Variants in TC2N observed in about 807,000 individuals in gnomAD.
TC2N encodes the protein tandem C2 domains, nuclear.
A neutral mutation model predicts 61.9 loss-of-function variants in TC2N; 51 were observed. The ratio of observed to expected loss-of-function variants is 0.82; its 90% CI spans 0.66 to 1.04. The LOEUF (loss-of-function observed/expected upper bound fraction) is 1.04. Ranked by LOEUF, TC2N falls within the 50% of genes least tolerant of loss-of-function variation. The probability of loss-of-function intolerance (pLI) is 0.00; values close to 1 mark genes in which losing one functional copy is unlikely to be tolerated. For missense variants in TC2N, 556 were observed against 566.7 expected, an observed-to-expected ratio of 0.98 and a Z score of 0.19; for synonymous variants, 204 against 192.6, an observed-to-expected ratio of 1.06 and a Z score of -0.49.
At chr14:91,814,999 T>TA (rs571527542) in intron 1 of TC2N, among the ~76,000 whole-genome samples, 2 of 150,918 alleles carry the variant, frequency 1.3e-5, no homozygotes, top group South Asian at 2.1e-4. Flanking sequence ...AAAGCATATT[T>TA]AAAAAAAAGT....
intron 1 of TC2N, among the ~76,000 whole-genome samples, chr14:91,818,365 C>G (rs1887098737): frequency 6.6e-6 from 1 of 152,084 alleles, no homozygotes; most frequent in South Asian, 2.1e-4. Context: ...TCACCAAGGT[C>G]AGGAGTGATG....
Position 91,781,660 on chromosome 14 carries a change from T to C in TC2N, c.*1440A>G, listed in dbSNP as rs1396082546. On this transcript the variant is annotated 3_prime_UTR_variant, in exon 12 of 12. Coordinates refer to ENST00000435962, the MANE Select transcript of TC2N (RefSeq NM_001128596.3). The stretch of plus-strand genomic sequence containing the variant: ...TTAAAAATCCATGTGAGTACTGACC[T>C]ATATGTCATTTTTTGCAAATCTAAA... The C allele has an allele frequency of 6.6e-6, 1 of 152,160 alleles. No homozygotes were observed. The allele number at this position is 152,160 out of a possible 1,614,324, so 9.4% of individuals were successfully genotyped here. A position where few individuals can be genotyped will look rare whatever the true frequency, so the allele number is the denominator to read the frequency against.
intron 1 of TC2N, among the ~76,000 whole-genome samples, chr14:91,830,186 T>C (rs1159151710): frequency 2.0e-5 from 3 of 152,168 alleles, no homozygotes; most frequent in African/African-American, 7.2e-5. Context: ...GGAATTCTAA[T>C]CCTAAGTAAA....
At chr14:91,797,561 A>G (rs1390721007) in intron 8 of TC2N, among the ~76,000 whole-genome samples, 1 of 151,996 alleles carries the variant, frequency 6.6e-6, no homozygotes, top group Non-Finnish European at 1.5e-5. Flanking sequence ...AATCTTCTAT[A>G]TATTTTAGTG....
chr14:91,816,335 G>T (rs375134181), intron 1 of TC2N, among the ~76,000 whole-genome samples: 1 of 151,786 alleles, frequency 6.6e-6, no homozygotes, highest in South Asian at 2.1e-4. Context: ...GGAAAGAAAT[G>T]ATATACTGTG....
At chr14:91,863,634 A>T (rs954124526) in intron 1 of TC2N, among the ~76,000 whole-genome samples, 1 of 152,118 alleles carries the variant, frequency 6.6e-6, no homozygotes, top group African/African-American at 2.4e-5. Context: ...GCAGAAAAGA[A>T]TGTGGGGTCT....
intron 1 of TC2N, among the ~76,000 whole-genome samples, chr14:91,826,070 T>A (rs1030992926): frequency 2.0e-5 from 3 of 152,142 alleles, no homozygotes; most frequent in Admixed American, 1.3e-4. Context: ...TAAATCCCAG[T>A]ATTTTGTGGG....
At chr14:91,858,152 CTT>C (rs56379239) in intron 1 of TC2N, among the ~76,000 whole-genome samples, 9 of 92,342 alleles carry the variant, frequency 9.7e-5, no homozygotes, top group Admixed American at 1.4e-4. Flanking sequence ...TCTTCTTCTT[CTT>C]TTTTTTTTTT....
chr14:91,804,066 C>T (rs549691279), intron 3 of TC2N, among the ~76,000 whole-genome samples: 53 of 152,184 alleles, frequency 3.5e-4, no homozygotes, highest in Non-Finnish European at 3.5e-4. Flanking sequence ...TGGCTTAAGA[C>T]ATTGATAGGC....
At position 91,797,782 on chromosome 14, in the gene TC2N, T is replaced by TA. The variant is rs753045109; in HGVS notation, c.855+2dup. 2.6e-6 allele frequency: 4 copies of TA among 1,546,314 alleles called. No individual in the cohort carries two copies. The highest frequency in any genetic ancestry group is 3.7e-5 in the Admixed American group (2 of 53,516). ...AGAAATTCAAATACAAACAGCCACT[T>TA]ACGTTGGAACCTTCCTTGGCTGAAG... On this transcript the variant is annotated splice_region_variant and intron_variant, in intron 8 of 11. Coordinates refer to ENST00000435962, the MANE Select transcript of TC2N (RefSeq NM_001128596.3).
chr14:91,811,069 C>A (rs1016261892), intron 3 of TC2N, among the ~76,000 whole-genome samples: 14 of 152,076 alleles, frequency 9.2e-5, no homozygotes, highest in African/African-American at 3.1e-4. Context: ...TCAACAAATA[C>A]ACACAAAATT....
intron 1 of TC2N, among the ~76,000 whole-genome samples, chr14:91,854,778 C>T (rs566544506): frequency 1.2e-3 from 183 of 152,206 alleles, no homozygotes; most frequent in South Asian, 1.2e-3. Context: ...ACAATCCATA[C>T]CCTGAATATT....
chr14:91,826,254 A>T (rs570783032), intron 1 of TC2N, among the ~76,000 whole-genome samples: 1 of 143,932 alleles, frequency 6.9e-6, no homozygotes, highest in Non-Finnish European at 1.5e-5. Context: ...CAAGAAGTGG[A>T]GGCTGTGGGA....
rs560347880 is a variant in TC2N, at chr14:91,794,199, G to A, written c.856-1641C>T. ...AGAAGAAAAACTAAAAGCTAGTAGAGGCTGGTTCACGAGGTTTAAGGAAAG... is the reference window on the plus strand; with the variant it reads ...AGAAGAAAAACTAAAAGCTAGTAGAAGCTGGTTCACGAGGTTTAAGGAAAG... On this transcript the variant is annotated intron_variant, in intron 8 of 11. Coordinates refer to ENST00000435962, the MANE Select transcript of TC2N (RefSeq NM_001128596.3). Among the ~76,000 whole-genome samples the A allele has an allele frequency of 7.2e-4, 110 of 152,274 alleles. No homozygotes were observed. The Middle Eastern group carries it at 0.01, about 14-fold the overall frequency.
chr14:91,852,104 C>G (rs754288427), intron 1 of TC2N, among the ~76,000 whole-genome samples: 25 of 152,154 alleles, frequency 1.6e-4, no homozygotes, highest in Admixed American at 6.5e-5. Context: ...TGAAAACAGA[C>G]AGTCTCTCAG....
intron 8 of TC2N, among the ~76,000 whole-genome samples, chr14:91,793,199 T>C (rs912407098): frequency 2.6e-5 from 4 of 152,228 alleles, no homozygotes; most frequent in Non-Finnish European, 5.9e-5. Flanking sequence ...CCTCAGAACA[T>C]TTTTAAATGC....
At chr14:91,785,631 A>C (rs1885328836) in intron 10 of TC2N, among the ~76,000 whole-genome samples, 2 of 152,188 alleles carry the variant, frequency 1.3e-5, no homozygotes, top group African/African-American at 4.8e-5. Context: ...GGAGGCATAA[A>C]CAACAATCAC....
intron 1 of TC2N, among the ~76,000 whole-genome samples, chr14:91,828,897 C>A (rs924835510): frequency 2.6e-5 from 4 of 151,968 alleles, no homozygotes; most frequent in African/African-American, 7.2e-5. Flanking sequence ...CATTGATCAT[C>A]ACCCTGTATT....
At chr14:91,865,267 C>T (rs1180989968) in intron 1 of TC2N, among the ~76,000 whole-genome samples, 1 of 151,794 alleles carries the variant, frequency 6.6e-6, no homozygotes, top group Non-Finnish European at 1.5e-5. Flanking sequence ...TATTAAGAAC[C>T]ATTAGTAAGT....
Sources: gnomAD v4.1 joint callset for allele counts (sites outside exome capture counted in the v4.1 genomes callset) on GRCh38, gnomAD v4.1.1 for gene constraint, MANE v1.5 for transcripts, NCBI Gene and HGNC (gene_info 2026-07-23, HGNC 2026-07-21) for gene names.